ITCH: variants seen among roughly 807,000 people sequenced by gnomAD.
ITCH encodes E3 ubiquitin-protein ligase Itchy homolog.
Under a neutral mutation model 126.8 loss-of-function variants are expected in ITCH, and 28 were observed. The ratio of observed to expected loss-of-function variants is 0.22; its 90% CI spans 0.16 to 0.30. The LOEUF is 0.30. ITCH is among the 10% of genes least tolerant of loss of function. The pLI is 1.00. For synonymous variants in ITCH, 342 were observed against 340.0 expected, an observed-to-expected ratio of 1.01 and a Z score of -0.06; for missense variants, 631 against 1,032.4, an observed-to-expected ratio of 0.61 and a Z score of 5.33.
chr20:34,460,220 A>G (rs572628319), intron 13 of ITCH, among the ~76,000 whole-genome samples: 1 of 152,016 alleles, frequency 6.6e-6, no homozygotes, highest in Non-Finnish European at 1.5e-5. Context: ...ACAAGGTCTC[A>G]GTCTGTCACC....
intron 1 of ITCH, among the ~76,000 whole-genome samples, chr20:34,368,193 C>T (rs1400593228): frequency 6.6e-6 from 1 of 151,896 alleles, no homozygotes; most frequent in Non-Finnish European, 1.5e-5. Context: ...CCACTTGAAC[C>T]TGGGAGGCGG....
In ITCH at chr20:34,470,053, A is replaced by G. The variant is rs754988422; in HGVS notation, c.1430A>G (p.Asn477Ser). Reference sequence around the variant, plus strand: ...TAACCCTTGTTCTTCCTCAGAGACAATGGACCTCAGATAGCCTATGTTCGG... The same window carrying G: ...TAACCCTTGTTCTTCCTCAGAGACAGTGGACCTCAGATAGCCTATGTTCGG... Reference protein sequence around the residue: ...DPRTGKSALDNGPQIAYVRDF... With the variant: ...DPRTGKSALDSGPQIAYVRDF... The change falls in exon 15 of 25, where the codon AAT becomes AGT. Residue 477 changes from asparagine to serine, a missense_variant. Coordinates refer to ENST00000374864, the MANE Select transcript of ITCH (RefSeq NM_031483.7). The G allele has an allele frequency of 3.7e-6, 6 of 1,613,482 alleles. No individual in the cohort carries two copies. Among genetic ancestry groups the G allele is most frequent in the Admixed American group, 1.7e-5 (1 of 60,020 alleles).
intron 2 of ITCH, among the ~76,000 whole-genome samples, chr20:34,384,658 C>CTTTT (rs5841172): frequency 2.8e-5 from 2 of 71,104 alleles, no homozygotes; most frequent in Non-Finnish European, 5.3e-5. Flanking sequence ...ATATTAGGGT[C>CTTTT]TTTTTTTTTT....
chr20:34,424,622 A>G (rs1981244738), intron 7 of ITCH, 97 bp downstream of exon 7: 3 of 995,916 alleles, frequency 3.0e-6, no homozygotes. Flanking sequence ...ATAAGAATAA[A>G]TGAGTGTCAG....
rs754014208 is a variant in ITCH at position 34,442,353 on chromosome 20, A to G, written c.965+50A>G. The G allele has an allele frequency of 2.4e-6, 3 of 1,262,328 alleles. No homozygotes were observed. In the South Asian group the frequency reaches 3.6e-5, roughly 15 times the overall value. The allele number at this position is 1,262,328 out of a possible 1,614,324, so 78.2% of individuals were successfully genotyped here. A position where few individuals can be genotyped will look rare whatever the true frequency, so the allele number is the denominator to read the frequency against. Reference sequence around the variant, plus strand: ...TAATTTTATTTAGTCAGAATTGTGGATTACAACTGTATAATCTTCCCTACA... The same window carrying G: ...TAATTTTATTTAGTCAGAATTGTGGGTTACAACTGTATAATCTTCCCTACA... On this transcript the variant is annotated intron_variant, in intron 10 of 24. Transcript: ENST00000374864.
In ITCH at chr20:34,489,802, T is replaced by C. The variant is rs749828461; in HGVS notation, c.2215-20T>C. ...TGTACAGTTACCTTAGGAAACAATT[T>C]GTCTTTTTCATCCCTAAAGGTCCTT... On this transcript the variant is annotated intron_variant, in intron 21 of 24. Coordinates refer to ENST00000374864, the MANE Select transcript of ITCH (RefSeq NM_031483.7). The C allele has an allele frequency of 1.3e-6, 2 of 1,533,424 alleles. No individual in the cohort carries two copies. The highest frequency in any genetic ancestry group is 1.8e-6 in the Non-Finnish European group (2 of 1,106,502). The allele number at this position is 1,533,424 out of a possible 1,614,324, so 95.0% of individuals were successfully genotyped here.
In ITCH at chr20:34,397,588, T is replaced by C. The variant is rs150330276; in HGVS notation, c.70+3707T>C. Among the ~76,000 whole-genome samples, 27 of 152,370 alleles carry C rather than the reference T, an allele frequency of 1.8e-4. No individual in the cohort carries two copies. In the East Asian group the frequency reaches 5.2e-3, roughly 29 times the overall value. ...TCCTCAAAACCTAAAGGTGATTGAA[T>C]ATAAAAATAATACTGTCTTAAGGTA... On this transcript the variant is annotated intron_variant, in intron 3 of 24. Coordinates refer to ENST00000374864, the MANE Select transcript of ITCH (RefSeq NM_031483.7).
chr20:34,417,118 T>G, intron 6 of ITCH: 1 of 661,010 alleles, frequency 1.5e-6, no homozygotes, highest in Non-Finnish European at 2.8e-6. Flanking sequence ...TTTTTTTAGA[T>G]GGGGTTTCGC....
chr20:34,370,217 G>A (rs1027956262), intron 2 of ITCH, among the ~76,000 whole-genome samples: 2 of 152,000 alleles, frequency 1.3e-5, no homozygotes, highest in African/African-American at 4.8e-5. Context: ...TGTGACTTTC[G>A]GCGAGTTATT....
chr20:34,372,352 A>G (rs1278532464), intron 2 of ITCH, among the ~76,000 whole-genome samples: 7 of 139,152 alleles, frequency 5.0e-5, no homozygotes, highest in Admixed American at 3.7e-4. Flanking sequence ...CTGATGCTTT[A>G]TAAATGAGAA....
At chr20:34,376,262 TA>T (rs1156349089) in intron 2 of ITCH, among the ~76,000 whole-genome samples, 1 of 151,904 alleles carries the variant, frequency 6.6e-6, no homozygotes, top group African/African-American at 2.4e-5. Context: ...ACACTGTCTC[TA>T]CAAAAAAGCC....
chr20:34,477,920 TC>T, intron 17 of ITCH, 60 bp downstream of exon 17: 1 of 1,601,190 alleles, frequency 6.2e-7, no homozygotes, highest in Non-Finnish European at 8.5e-7. Flanking sequence ...CCATTGCACT[TC>T]GCTTGCAAGT....
intron 1 of ITCH, among the ~76,000 whole-genome samples, chr20:34,367,834 G>T (rs1261732820): frequency 6.6e-6 from 1 of 152,166 alleles, no homozygotes; most frequent in African/African-American, 2.4e-5. Context: ...AAAGATCAAT[G>T]TGCACTACTG....
At chr20:34,488,741 AAAAG>A (rs1473918072) in intron 20 of ITCH, among the ~76,000 whole-genome samples, 3 of 152,114 alleles carry the variant, frequency 2.0e-5, no homozygotes, top group African/African-American at 4.8e-5. Flanking sequence ...AAAAGAAAAA[AAAAG>A]AAATTATATG....
In ITCH at chr20:34,438,373, A is replaced by G. The variant is rs144015536; in HGVS notation, c.522-101A>G. ...ATTAAAAAGCTTTTTTGAAGCTCTT[A>G]AAAACTTAGAAGTTTTCATCCTCCT... On this transcript the variant is annotated intron_variant, in intron 7 of 24. Coordinates refer to ENST00000374864, the MANE Select transcript of ITCH (RefSeq NM_031483.7). 154 of 1,290,122 alleles carry G rather than the reference A, an allele frequency of 1.2e-4. 1 individual carries two copies. The African/African-American group carries it at 1.9e-3, about 16-fold the overall frequency. The allele number at this position is 1,290,122 out of a possible 1,614,324, so 79.9% of individuals were successfully genotyped here. A position where few individuals can be genotyped will look rare whatever the true frequency, so the allele number is the denominator to read the frequency against.
At chr20:34,413,713 ATT>A in intron 5 of ITCH, 27 bp from the exon 6 acceptor site, 1 of 1,589,792 alleles carries the variant, frequency 6.3e-7, no homozygotes, top group Non-Finnish European at 8.6e-7. Flanking sequence ...AAAAGTGACC[ATT>A]TTTTCTGTAA....
intron 14 of ITCH, among the ~76,000 whole-genome samples, chr20:34,464,305 T>TTTTTC: frequency 6.6e-6 from 1 of 151,188 alleles, no homozygotes; most frequent in Non-Finnish European, 1.5e-5. Context: ...TCTTTTTTTT[T>TTTTTC]TTTTCTTTCT....
At chr20:34,423,055 A>G (rs978130739) in intron 6 of ITCH, among the ~76,000 whole-genome samples, 6 of 152,200 alleles carry the variant, frequency 3.9e-5, no homozygotes, top group Admixed American at 2.0e-4. Context: ...TTGGCCTCCC[A>G]AAGTGCTGGG....
chr20:34,460,101 A>G (rs1433254118), intron 13 of ITCH, among the ~76,000 whole-genome samples: 1 of 152,230 alleles, frequency 6.6e-6, no homozygotes, highest in East Asian at 1.9e-4. Context: ...TTGCAAGTAT[A>G]ACAATTGAGA....
Sources: allele counts gnomAD v4.1 joint callset (sites outside exome capture counted in the v4.1 genomes callset), GRCh38; gene constraint gnomAD v4.1.1; transcripts MANE v1.5; gene names NCBI Gene and HGNC (gene_info 2026-07-23, HGNC 2026-07-21).